The following DGKK variants were observed in gnomAD, a reference collection of about 807,000 sequenced individuals.
DGKK encodes the protein 142 kDa diacylglycerol kinase.
DGKK carries 35 observed loss-of-function variants against 92.2 expected under a neutral mutation model. The ratio of observed to expected loss-of-function variants is 0.38; its 90% CI spans 0.29 to 0.50. The LOEUF (loss-of-function observed/expected upper bound fraction) is 0.50. Ranked by LOEUF, DGKK falls within the 20% of genes least tolerant of loss-of-function variation. The probability of loss-of-function intolerance (pLI) is 0.92; values close to 1 mark genes in which losing one functional copy is unlikely to be tolerated. For synonymous variants in DGKK, 368 were observed against 360.6 expected (o/e 1.02, Z -0.23); for missense variants, 910 against 992.2 (o/e 0.92, Z 1.11).
chrX:50,425,049 T>C (rs975231003), intron 1 of DGKK, among the ~76,000 whole-genome samples: 3 of 112,140 alleles, frequency 2.7e-5, no homozygotes, highest in African/African-American at 6.5e-5. Context: ...ATTTTCATCA[T>C]TGAGGAAGTT....
intron 8 of DGKK, among the ~76,000 whole-genome samples, chrX:50,399,483 C>T: frequency 8.9e-6 from 1 of 111,859 alleles, no homozygotes; most frequent in Non-Finnish European, 1.9e-5. Context: ...GTCAGTGAAA[C>T]GAGGGCTCAC....
chrX:50,407,475 CAG>C (rs781961955), intron 4 of DGKK, among the ~76,000 whole-genome samples: 80 of 107,016 alleles, frequency 7.5e-4, no homozygotes, highest in Admixed American at 8.9e-4. Context: ...CGTGTGCATG[CAG>C]AGAGAGAGAG....
rs782769562 is a variant in DGKK at position 50,422,489 on chromosome X, G to A, written c.794C>T (p.Thr265Ile). Residue 265 changes from threonine to isoleucine, a missense_variant, in exon 3 of 28, where the codon ACT becomes ATT. Thr to Ile is a moderately conservative substitution (Grantham distance 89). Transcript: ENST00000611977. ...GTTTCTACAGCTGCTTTCTGCCACA[G>A]TGGCTTGAGACAGATCAATCGTTTC... ...HFETIDLSQA[T>I]VAESSCRNLC... 22 of 1,207,922 alleles carry A rather than the reference G, an allele frequency of 1.8e-5. No homozygotes were observed. Among genetic ancestry groups the A allele is most frequent in the Non-Finnish European group, 2.5e-5 (22 of 893,501 alleles).
intron 1 of DGKK, among the ~76,000 whole-genome samples, chrX:50,452,148 A>G: frequency 9.0e-6 from 1 of 111,656 alleles, no homozygotes; most frequent in Non-Finnish European, 1.9e-5. Context: ...CAGAAAGGTG[A>G]GTGAGGGTCT....
intron 8 of DGKK, among the ~76,000 whole-genome samples, chrX:50,396,294 G>A (rs1924849996): frequency 8.9e-6 from 1 of 111,805 alleles, no homozygotes; most frequent in Admixed American, 9.5e-5. Context: ...CTACTGGAAG[G>A]TATTTAAGAA....
At chrX:50,464,684 T>C (rs1225989309) in intron 1 of DGKK, among the ~76,000 whole-genome samples, 1 of 111,276 alleles carries the variant, frequency 9.0e-6, no homozygotes, top group Non-Finnish European at 1.9e-5. Context: ...TTTTTCAATT[T>C]TGTTTGTTTT....
rs1924003124 is a variant in DGKK, at chrX:50,367,570, A to G, written c.*1370T>C. On this transcript the variant is annotated 3_prime_UTR_variant, in exon 28 of 28. Coordinates refer to ENST00000611977, the MANE Select transcript of DGKK (RefSeq NM_001013742.4). ...TGAAGGTGACTTGAGGACTGACCCA[A>G]CAGCCTGTCCAGAAGATCAGGCCAA... is the stretch of plus-strand genomic sequence containing the variant. The G allele has an allele frequency of 9.0e-6, 1 of 111,044 alleles. No homozygotes were observed. The highest frequency in any genetic ancestry group is 3.3e-5 in the African/African-American group (1 of 30,489). The allele number at this position is 111,044 out of a possible 1,213,427, so 9.2% of individuals were successfully genotyped here.
intron 10 of DGKK, 100 bp from the exon 11 acceptor site, chrX:50,391,676 T>G: frequency 2.1e-6 from 2 of 934,646 alleles, no homozygotes; most frequent in Non-Finnish European, 3.0e-6. Flanking sequence ...ATTATGGTCT[T>G]AAAACCAGTG....
intron 7 of DGKK, among the ~76,000 whole-genome samples, chrX:50,402,121 T>A (rs1383944799): frequency 8.9e-6 from 1 of 111,811 alleles, no homozygotes; most frequent in Non-Finnish European, 1.9e-5. Context: ...GTTAAGAGTG[T>A]GGTCGGCTGG....
In DGKK at chrX:50,457,016, T is replaced by G. The variant is rs782118050; in HGVS notation, c.645+13018A>C. Among the ~76,000 whole-genome samples the G allele has an allele frequency of 4.4e-4, 49 of 111,787 alleles. No homozygotes were observed. The South Asian group carries it at 7.6e-3, about 17-fold the overall frequency. On this transcript the variant is annotated intron_variant, in intron 1 of 27. Transcript: ENST00000611977. ...GAAAGATTAAGCAATTTACCCCATA[T>G]TGCACCACCATCTAAATTGGAGTCC...
At position 50,382,501 on chromosome X, in the gene DGKK, T is replaced by C. The variant is rs1557224543; in HGVS notation, c.2652A>G (p.Gln884=). ...FNTRRDEHPG[Q]YNSRLKNKMW... ...AGGGAGTTTCTTTTCCTTACTTGTA[T>C]TGCCCTGGGTGTTCATCTCTTCTGG... is the stretch of plus-strand genomic sequence containing the variant. The change falls in exon 18 of 28, where the codon CAA becomes CAG. Residue 884 remains glutamine, a synonymous_variant. Transcript: ENST00000611977. The C allele has an allele frequency of 8.3e-7, 1 of 1,201,640 alleles. No homozygotes were observed. The highest frequency in any genetic ancestry group is 1.1e-6 in the Non-Finnish European group (1 of 888,517).
At chrX:50,393,384 G>T in intron 8 of DGKK, 49 bp from the exon 9 acceptor site, 1 of 1,036,604 alleles carries the variant, frequency 9.6e-7, no homozygotes, top group South Asian at 2.2e-5. Flanking sequence ...GACCCGTTGA[G>T]ATGGAAACGA....
At chrX:50,412,266 C>T (rs1319525034) in intron 4 of DGKK, among the ~76,000 whole-genome samples, 2 of 111,732 alleles carry the variant, frequency 1.8e-5, no homozygotes, top group Non-Finnish European at 3.8e-5. Context: ...AAGTAAAAGA[C>T]CTGCATACTG....
chrX:50,378,546 C>T (rs1557224084), intron 21 of DGKK, 32 bp downstream of exon 21: 1 of 1,133,888 alleles, frequency 8.8e-7, no homozygotes, highest in Admixed American at 2.4e-5. Flanking sequence ...AAACCTCAGC[C>T]CCTTCCCAGT....
chrX:50,454,934 C>A (rs1431669532), intron 1 of DGKK, among the ~76,000 whole-genome samples: 3 of 112,043 alleles, frequency 2.7e-5, no homozygotes, highest in Non-Finnish European at 5.6e-5. Context: ...ATTCTCTGTA[C>A]CACTTTTCCT....
At chrX:50,445,594 T>G (rs1056112001) in intron 1 of DGKK, among the ~76,000 whole-genome samples, 25 of 111,293 alleles carry the variant, frequency 2.2e-4, no homozygotes, top group East Asian at 2.0e-3. Context: ...TGGTTATAGG[T>G]GTGCAACCTT....
chrX:50,414,395 A>C (rs782038348), intron 4 of DGKK, among the ~76,000 whole-genome samples: 11 of 111,607 alleles, frequency 9.9e-5, no homozygotes, highest in Admixed American at 4.7e-4. Context: ...TGGATATGTT[A>C]ATTAGCTTGA....
Position 50,391,594 on chromosome X carries a change from G to A in DGKK, c.1705-18C>T, listed in dbSNP as rs781986760. ...AACTGACACTGCAAGAACAAAAGGAGACACCCTTTTCAGACAGTCTTTCTA... is the reference window on the plus strand; with the variant it reads ...AACTGACACTGCAAGAACAAAAGGAAACACCCTTTTCAGACAGTCTTTCTA... On this transcript the variant is annotated intron_variant, in intron 10 of 27. Coordinates refer to ENST00000611977, the MANE Select transcript of DGKK (RefSeq NM_001013742.4). 1.7e-6 allele frequency: 2 copies of A among 1,209,509 alleles called. No individual in the cohort carries two copies. The highest frequency in any genetic ancestry group is 2.2e-5 in the Admixed American group (1 of 45,974).
intron 18 of DGKK, among the ~76,000 whole-genome samples, chrX:50,381,005 A>G (rs782714030): frequency 4.7e-4 from 53 of 112,085 alleles, no homozygotes; most frequent in Non-Finnish European, 8.5e-4. Flanking sequence ...AATTTCAAAA[A>G]CTACTGTAAA....
Sources: allele counts gnomAD v4.1 joint callset (sites outside exome capture counted in the v4.1 genomes callset), GRCh38; gene constraint gnomAD v4.1.1; transcripts MANE v1.5; gene names NCBI Gene and HGNC (gene_info 2026-07-23, HGNC 2026-07-21).